The following FRAS1 variants were observed in gnomAD, a reference collection of about 807,000 sequenced individuals.
FRAS1 encodes Fraser extracellular matrix complex subunit 1, also known as extracellular matrix organizing protein FRAS1.
FRAS1 carries 290 observed loss-of-function variants against 435.2 expected under a neutral mutation model. That is an observed-to-expected ratio of 0.67 (90% CI 0.61 to 0.73). The LOEUF is 0.73. Ranked by LOEUF, FRAS1 falls within the 30% of genes least tolerant of loss-of-function variation. The pLI is 0.00. For synonymous variants in FRAS1, 1,800 were observed against 1,851.0 expected (o/e 0.97, Z 0.71); for missense variants, 4,860 against 5,001.5 (o/e 0.97, Z 0.85).
At chr4:78,432,748 A>G (rs1358246609) in intron 38 of FRAS1, 144 bp downstream of exon 38, 3 of 903,770 alleles carry the variant, frequency 3.3e-6, no homozygotes, top group Non-Finnish European at 4.9e-6. Flanking sequence ...CCTACCTTCT[A>G]CTGTTAGGAG....
intron 70 of FRAS1, among the ~76,000 whole-genome samples, chr4:78,528,023 G>T (rs1024209541): frequency 6.6e-6 from 1 of 152,106 alleles, no homozygotes; most frequent in Non-Finnish European, 1.5e-5. Context: ...ATGGAAGCAG[G>T]TGAAAGGAGA....
At chr4:78,164,445 TAAGAA>T (rs1285962298) in intron 2 of FRAS1, among the ~76,000 whole-genome samples, 2 of 152,108 alleles carry the variant, frequency 1.3e-5, no homozygotes, top group African/African-American at 4.8e-5. Flanking sequence ...CATGAAATGT[TAAGAA>T]AATATAAGAA....
In FRAS1 at chr4:78,181,003, G is replaced by C; in HGVS notation, c.109-56507G>C. The C allele has an allele frequency of 2.5e-6, 4 of 1,607,684 alleles. No individual in the cohort carries two copies. In the South Asian group the frequency reaches 4.4e-5, roughly 18 times the overall value. ...CCTCCCCTGCCGCCACGTCCTGGGC[G>C]GCCAAGGTCTCCAAAATTGATCTCC... On this transcript the variant is annotated intron_variant, in intron 2 of 73. Transcript: ENST00000512123.
chr4:78,452,301 A>G lies in FRAS1; in HGVS notation c.6710A>G (p.Tyr2237Cys), dbSNP rs1578333305. Residue 2237 changes from tyrosine (Y) to cysteine (C), a missense_variant, in exon 47 of 74, where the codon TAC becomes TGC. By Grantham distance (194) the Tyr-to-Cys change is radical. Transcript: ENST00000512123. ...GACAGTGGGCCTACAGAATTGATCT[A>G]CAGAATCACCAGACAGCCCCAGCTG... ...DQDSGPTELIYRITRQPQLGH... is the reference protein window; with the variant it reads ...DQDSGPTELICRITRQPQLGH... The G allele has an allele frequency of 1.2e-6, 2 of 1,612,648 alleles. No homozygotes were observed. Among genetic ancestry groups the G allele is most frequent in the Non-Finnish European group, 1.7e-6 (2 of 1,179,544 alleles).
chr4:78,174,557 T>C (rs925517117), intron 2 of FRAS1, among the ~76,000 whole-genome samples: 33 of 152,166 alleles, frequency 2.2e-4, no homozygotes, highest in African/African-American at 7.7e-4. Context: ...AGGGAAAAGA[T>C]AGAAGGGGTG....
intron 9 of FRAS1, among the ~76,000 whole-genome samples, chr4:78,277,661 A>G (rs887376522): frequency 2.0e-5 from 3 of 152,104 alleles, no homozygotes; most frequent in Non-Finnish European, 4.4e-5. Context: ...AGAATTGCAA[A>G]TTATTTACAT....
intron 2 of FRAS1, among the ~76,000 whole-genome samples, chr4:78,217,456 G>C (rs907208832): frequency 1.3e-5 from 2 of 152,092 alleles, no homozygotes; most frequent in African/African-American, 4.8e-5. Flanking sequence ...GTGCGGGACT[G>C]CCAGAGCTTC....
chr4:78,118,874 G>T (rs966369391), intron 2 of FRAS1, among the ~76,000 whole-genome samples: 2 of 152,174 alleles, frequency 1.3e-5, no homozygotes, highest in Non-Finnish European at 2.9e-5. Context: ...CAGTACCTCA[G>T]TTGGAAATGC....
rs375071339 is a variant in FRAS1, at chr4:78,479,641, A to G, written c.8366A>G (p.Lys2789Arg). The G allele has an allele frequency of 2.2e-5, 36 of 1,613,746 alleles. No individual in the cohort carries two copies. The African/African-American group carries it at 4.5e-4, about 20-fold the overall frequency. ...NARIGRVATA[K>R]VLISGPNDAS... The stretch of plus-strand genomic sequence containing the variant: ...CGCATTGGAAGGGTGGCGACAGCCA[A>G]GGTGCTCATTAGTGGTCCCAACGAT... Residue 2789 changes from lysine to arginine, a missense_variant, in exon 56 of 74, where the codon AAG (lysine) becomes AGG (arginine). Coordinates refer to ENST00000512123, the MANE Select transcript of FRAS1 (RefSeq NM_025074.7).
At chr4:78,278,612 G>C in intron 9 of FRAS1, 43 bp from the exon 10 acceptor site, 1 of 1,094,594 alleles carries the variant, frequency 9.1e-7, no homozygotes, top group South Asian at 1.3e-5. Flanking sequence ...GCTACCTGGA[G>C]ATGTTAATTT....
chr4:78,248,329 A>G (rs1473660885), intron 4 of FRAS1, among the ~76,000 whole-genome samples: 1 of 152,194 alleles, frequency 6.6e-6, no homozygotes, highest in Non-Finnish European at 1.5e-5. Context: ...TTGTTTGAAT[A>G]CTTTTTTTTC....
intron 2 of FRAS1, among the ~76,000 whole-genome samples, chr4:78,222,530 A>G (rs1419963294): frequency 2.6e-5 from 4 of 152,254 alleles, no homozygotes; most frequent in African/African-American, 9.6e-5. Context: ...TATGCTGGCG[A>G]TGCTAATAAG....
At position 78,441,249 on chromosome 4, in the gene FRAS1, A is replaced by C. The variant is rs957021599; in HGVS notation, c.5617A>C (p.Lys1873Gln). 2.5e-6 allele frequency: 4 copies of C among 1,613,620 alleles called. No homozygotes were observed. The highest frequency in any genetic ancestry group is 2.5e-6 in the Non-Finnish European group (3 of 1,179,716). Reference sequence around the variant, plus strand: ...CAACCTCCAGAGAGATGCCATCATTAAACTAAGTGCTCTGCCCAAATATGG... The same window carrying C: ...CAACCTCCAGAGAGATGCCATCATTCAACTAAGTGCTCTGCCCAAATATGG... ...DDNLQRDAII[K>Q]LSALPKYGCI... Residue 1873 changes from lysine to glutamine, a missense_variant, in exon 41 of 74, where the codon AAA (lysine) becomes CAA (glutamine). Coordinates refer to ENST00000512123, the MANE Select transcript of FRAS1 (RefSeq NM_025074.7).
In FRAS1 at chr4:78,379,793, A is replaced by G. The variant is rs1731938614; in HGVS notation, c.3360A>G (p.Pro1120=). The G allele has an allele frequency of 6.2e-7, 1 of 1,613,762 alleles. No homozygotes were observed. The highest frequency in any genetic ancestry group is 1.3e-5 in the African/African-American group (1 of 75,004). The change falls in exon 27 of 74, where the codon CCA becomes CCG. Residue 1120 remains proline, a synonymous_variant. Transcript: ENST00000512123. ...SLILPIGSIK[P]LDFSLLNVQD... is the part of the protein sequence containing the mutation. ...TCCTCCCAATTGGTTCAATAAAGCC[A>G]CTGGATTTTTCCCTCCTGAATGTCC...
rs77730678 is a variant in FRAS1, at chr4:78,325,934, G to A, written c.2137+6948G>A. 3.3e-3 allele frequency among the ~76,000 whole-genome samples: 505 copies of A among 152,292 alleles called. 2 individuals carry two copies. Among genetic ancestry groups the A allele is most frequent in the African/African-American group, 0.011 (464 of 41,570 alleles). ...CCAAGAAAACAGTAAGTGCAAAGGC[G>A]GGTTTGGAGAAGTACAGCGTGTTTG... On this transcript the variant is annotated intron_variant, in intron 18 of 73. Coordinates refer to ENST00000512123, the MANE Select transcript of FRAS1 (RefSeq NM_025074.7).
intron 72 of FRAS1, 45 bp downstream of exon 72, chr4:78,537,245 G>A (rs766271796): frequency 2.6e-6 from 4 of 1,559,416 alleles, no homozygotes. Flanking sequence ...AGACACTTGA[G>A]CAGATTTCCT....
At chr4:78,076,026 A>T (rs1469104398) in intron 2 of FRAS1, among the ~76,000 whole-genome samples, 2 of 152,190 alleles carry the variant, frequency 1.3e-5, no homozygotes. Flanking sequence ...TCTTGGATTC[A>T]GAGTCTGTCA....
In FRAS1 at chr4:78,277,913, A is replaced by G. The variant is rs569736530; in HGVS notation, c.982-742A>G. ...TGCAAGCTCCGCCTCCCTGGTTCACACCATTCTCCTGCCTCAGCCTCCTGA... is the reference window on the plus strand; with the variant it reads ...TGCAAGCTCCGCCTCCCTGGTTCACGCCATTCTCCTGCCTCAGCCTCCTGA... On this transcript the variant is annotated intron_variant, in intron 9 of 73. Transcript: ENST00000512123. 2.2e-3 allele frequency among the ~76,000 whole-genome samples: 333 copies of G among 151,612 alleles called. 1 individual carries two copies. The highest frequency in any genetic ancestry group is 7.7e-3 in the African/African-American group (318 of 41,320).
chr4:78,080,305 G>A (rs966300661), intron 2 of FRAS1, among the ~76,000 whole-genome samples: 1 of 152,156 alleles, frequency 6.6e-6, no homozygotes. Flanking sequence ...AGAAGAGGAG[G>A]CATAATTGCG....
Sources: gnomAD v4.1 joint callset for allele counts (sites outside exome capture counted in the v4.1 genomes callset) on GRCh38, gnomAD v4.1.1 for gene constraint, MANE v1.5 for transcripts, NCBI Gene and HGNC (gene_info 2026-07-23, HGNC 2026-07-21) for gene names.